SPATA22: variants seen among roughly 807,000 people sequenced by gnomAD.
The protein encoded by SPATA22 is spermatogenesis-associated protein 22.
SPATA22 carries 29 observed loss-of-function variants against 47.8 expected under a neutral mutation model. That is an observed-to-expected ratio of 0.61 (90% CI 0.45 to 0.83). The LOEUF (loss-of-function observed/expected upper bound fraction) is 0.83, where lower values mean the gene tolerates loss of function less well. Among genes scored for constraint, SPATA22 ranks in the 40% least tolerant of loss-of-function variants. SPATA22 has a pLI of 0.00. For synonymous variants in SPATA22, 133 were observed against 140.9 expected (o/e 0.94, Z 0.40); for missense variants, 410 against 421.7 (o/e 0.97, Z 0.24).
chr17:3,443,228 C>A lies in SPATA22; in HGVS notation c.846G>T (p.Lys282Asn). 1 of 1,610,558 alleles carries A rather than the reference C, an allele frequency of 6.2e-7. No individual in the cohort carries two copies. Among genetic ancestry groups the A allele is most frequent in the Non-Finnish European group, 8.5e-7 (1 of 1,178,084 alleles). ...TTTTCCCATCCCTCATAAGAAAAGT[C>A]TTCGAATAATATGGGCCAGGTGTAA... Reference protein sequence around the residue: ...SAVTPGPYYSKTFLMRDGKNT... With the variant: ...SAVTPGPYYSNTFLMRDGKNT... Residue 282 changes from lysine to asparagine, a missense_variant, in exon 8 of 9, where the codon AAG becomes AAT. Coordinates refer to ENST00000572969, the MANE Select transcript of SPATA22 (RefSeq NM_001170698.2).
In SPATA22 at chr17:3,481,723, CTCTA is replaced by C. The variant is rs2073633067; in HGVS notation, c.-73-12329_-73-12326del. 6.2e-7 allele frequency: 1 copy of C among 1,613,754 alleles called. No individual in the cohort carries two copies. Among genetic ancestry groups the C allele is most frequent in the African/African-American group, 1.3e-5 (1 of 75,026 alleles). ...TTATTTTTGACCTTCACAACACCAC[CTCTA>C]ACATGGGGTGCACTCTTATTCTTGA... On this transcript the variant is annotated intron_variant, in intron 1 of 8. Coordinates refer to the SPATA22 transcript ENST00000541913.
chr17:3,441,045 A>T (rs1443124507), intron 8 of SPATA22: 1 of 152,098 alleles, frequency 6.6e-6, no homozygotes, highest in African/African-American at 2.4e-5. Context: ...AGAGACAAGT[A>T]AATCAGAAAA....
At chr17:3,492,656 A>G (rs1437229339) in intron 1 of SPATA22, among the ~76,000 whole-genome samples, 1 of 152,180 alleles carries the variant, frequency 6.6e-6, no homozygotes, top group Non-Finnish European at 1.5e-5. Flanking sequence ...CTGTACGTGT[A>G]CCATTATGTA....
chr17:3,473,648 G>A (rs557178783), upstream of SPATA22, among the ~76,000 whole-genome samples: 1 of 152,128 alleles, frequency 6.6e-6, no homozygotes, highest in Admixed American at 6.5e-5. Flanking sequence ...ACAGGCACCC[G>A]CCACCACGCC....
At chr17:3,446,854 T>C (rs528710639) in intron 6 of SPATA22, among the ~76,000 whole-genome samples, 14 of 152,278 alleles carry the variant, frequency 9.2e-5, no homozygotes, top group African/African-American at 2.6e-4. Flanking sequence ...CATTCATTCA[T>C]TGACTATTTT....
intron 1 of SPATA22, among the ~76,000 whole-genome samples, chr17:3,505,267 G>A (rs2074030378): frequency 1.3e-5 from 2 of 152,218 alleles, no homozygotes; most frequent in Non-Finnish European, 2.9e-5. Flanking sequence ...CACCGGGGCA[G>A]GTGAAGTTAT....
intron 1 of SPATA22, among the ~76,000 whole-genome samples, chr17:3,504,211 C>A (rs900947005): frequency 6.6e-6 from 1 of 152,192 alleles, no homozygotes; most frequent in Non-Finnish European, 1.5e-5. Flanking sequence ...GTCGACCTGA[C>A]TTTGTTGCCA....
At chr17:3,442,102 T>A (rs1261049238) in intron 8 of SPATA22, among the ~76,000 whole-genome samples, 1 of 152,010 alleles carries the variant, frequency 6.6e-6, no homozygotes, top group Non-Finnish European at 1.5e-5. Context: ...TTCACAGAAC[T>A]GTACAGTTAT....
intron 7 of SPATA22, among the ~76,000 whole-genome samples, chr17:3,444,789 A>G (rs955837072): frequency 2.0e-5 from 3 of 152,104 alleles, no homozygotes; most frequent in African/African-American, 7.2e-5. Flanking sequence ...ACTGGAAGAT[A>G]CTTCCTATAT....
intron 1 of SPATA22, among the ~76,000 whole-genome samples, chr17:3,489,762 T>C (rs1275035348): frequency 6.6e-6 from 1 of 152,188 alleles, no homozygotes; most frequent in Non-Finnish European, 1.5e-5. Context: ...GGTGAACATA[T>C]AAGTGAACAT....
chr17:3,509,728 G>A (rs959624372), intron 1 of SPATA22, among the ~76,000 whole-genome samples: 13 of 152,152 alleles, frequency 8.5e-5, no homozygotes, highest in African/African-American at 3.1e-4. Flanking sequence ...GTGGATCTTT[G>A]AGGAATCGCC....
At chr17:3,511,900 G>A (rs1013286442) in intron 1 of SPATA22, 3 of 152,154 alleles carry the variant, frequency 2.0e-5, no homozygotes, top group Admixed American at 1.3e-4. Context: ...CAGCTCCATA[G>A]TGTGGAGCTT....
At chr17:3,505,660 A>G (rs2074033617) in intron 1 of SPATA22, among the ~76,000 whole-genome samples, 1 of 152,226 alleles carries the variant, frequency 6.6e-6, no homozygotes, top group Non-Finnish European at 1.5e-5. Context: ...CAGCAGGACC[A>G]GGGAGCGTCT....
At chr17:3,511,361 T>TA (rs1473623423) in intron 1 of SPATA22, 2 of 152,124 alleles carry the variant, frequency 1.3e-5, no homozygotes, top group African/African-American at 4.8e-5. Context: ...AATAAATAAA[T>TA]AATGGCTCAG....
chr17:3,470,710 C>T (rs1441761845), intron 1 of SPATA22, among the ~76,000 whole-genome samples: 3 of 150,836 alleles, frequency 2.0e-5, no homozygotes, highest in Non-Finnish European at 4.4e-5. Context: ...GAGATCGTGC[C>T]GCTGCACTCC....
At chr17:3,489,168 A>C (rs573646986) in intron 1 of SPATA22, 5 of 972,608 alleles carry the variant, frequency 5.1e-6, no homozygotes, top group Non-Finnish European at 8.1e-6. Context: ...TGATACATTA[A>C]AATGCTTAGT....
At chr17:3,497,450 T>C (rs1369876234) in intron 1 of SPATA22, among the ~76,000 whole-genome samples, 4 of 152,218 alleles carry the variant, frequency 2.6e-5, no homozygotes, top group Non-Finnish European at 5.9e-5. Context: ...GCGGGTTATA[T>C]GACTCCATGC....
At chr17:3,507,244 A>G (rs1425599048) in intron 1 of SPATA22, among the ~76,000 whole-genome samples, 1 of 152,246 alleles carries the variant, frequency 6.6e-6, no homozygotes, top group African/African-American at 2.4e-5. Context: ...TTTAAAAAAT[A>G]AAACAGAAAA....
At chr17:3,480,991 G>A (rs916369529) in intron 1 of SPATA22, among the ~76,000 whole-genome samples, 3 of 151,980 alleles carry the variant, frequency 2.0e-5, no homozygotes, top group Admixed American at 6.6e-5. Context: ...ATGGTGGCAC[G>A]CACCTGTAGT....
Sources: allele counts gnomAD v4.1 joint callset (sites outside exome capture counted in the v4.1 genomes callset), GRCh38; gene constraint gnomAD v4.1.1; transcripts MANE v1.5; gene names NCBI Gene and HGNC (gene_info 2026-07-23, HGNC 2026-07-21).